HS3ST1: variants seen among roughly 807,000 people sequenced by gnomAD.
HS3ST1 encodes heparan sulfate-glucosamine 3-sulfotransferase 1, also known as heparan sulfate glucosamine 3-O-sulfotransferase 1.
In HS3ST1, 8 loss-of-function variants were observed where a neutral mutation model predicts 20.7. The observed-to-expected ratio is 0.39, with a 90% CI of 0.23 to 0.70. The LOEUF (loss-of-function observed/expected upper bound fraction) is 0.70. Among genes scored for constraint, HS3ST1 ranks in the 30% least tolerant of loss-of-function variants. HS3ST1 has a pLI of 0.46. For synonymous variants in HS3ST1, 205 were observed against 190.4 expected (o/e 1.08, Z -0.63); for missense variants, 436 against 423.4 (o/e 1.03, Z -0.26).
intron 1 of HS3ST1, among the ~76,000 whole-genome samples, chr4:11,426,965 A>G (rs1264599188): frequency 6.6e-6 from 1 of 152,242 alleles, no homozygotes; most frequent in Non-Finnish European, 1.5e-5. Context: ...TCAGTAGGTA[A>G]GGCTTATTCT....
intron 1 of HS3ST1, among the ~76,000 whole-genome samples, chr4:11,418,173 T>C (rs942399662): frequency 2.6e-5 from 4 of 151,816 alleles, no homozygotes; most frequent in African/African-American, 7.2e-5. Context: ...TTTGGGACAC[T>C]GTGGCACTTT....
rs150675188 is a variant in HS3ST1, at chr4:11,398,989, T to G, written c.*93A>C. 3.4e-4 allele frequency: 385 copies of G among 1,127,700 alleles called. No individual in the cohort carries two copies. The highest frequency in any genetic ancestry group is 3.1e-3 in the African/African-American group (198 of 64,112). The allele number at this position is 1,127,700 out of a possible 1,614,324, so 69.9% of individuals were successfully genotyped here. On this transcript the variant is annotated 3_prime_UTR_variant, in exon 2 of 2. Coordinates refer to ENST00000002596, the MANE Select transcript of HS3ST1 (RefSeq NM_005114.4). ...GTACTTTATGGATTTTACAAATAAA[T>G]TATACCTTAAATGCTTTTTTAAAAT...
chr4:11,411,098 G>C (rs1038128494), intron 1 of HS3ST1, among the ~76,000 whole-genome samples: 1 of 152,078 alleles, frequency 6.6e-6, no homozygotes, highest in African/African-American at 2.4e-5. Context: ...TTTTAGGTAT[G>C]TGTGCTCTTG....
rs1257489795 is a variant in HS3ST1 at position 11,402,801 on chromosome 4, C to CT, written c.-108-2689dup. 1.1e-4 allele frequency among the ~76,000 whole-genome samples: 16 copies of CT among 152,338 alleles called. No individual in the cohort carries two copies. The South Asian group carries it at 3.3e-3, about 32-fold the overall frequency. ...TCTGACTGTTTATGCTCCTTCAACT[C>CT]TAACCTGAGGCATCCTGGTTAGTGT... On this transcript the variant is annotated intron_variant, in intron 1 of 1. Coordinates refer to ENST00000002596, the MANE Select transcript of HS3ST1 (RefSeq NM_005114.4).
At position 11,399,163 on chromosome 4, in the gene HS3ST1, T is replaced by G. The variant is rs1718232388; in HGVS notation, c.843A>C (p.Leu281=). Residue 281 remains leucine (L), a synonymous_variant, in exon 2 of 2, where the codon CTA becomes CTC. Transcript: ENST00000002596. The surrounding 1 kb of genome is among the most constrained non-coding windows in gnomAD (Gnocchi z 5.1). Reference sequence around the variant, plus strand: ...GAAAATATTCGTGCAGTTTATTGAGTAGTTTGGGATCGACTTGGGGGTGCG... The same window carrying G: ...GAAAATATTCGTGCAGTTTATTGAGGAGTTTGGGATCGACTTGGGGGTGCG... ...GRAHPQVDPK[L]LNKLHEYFHE... 6.2e-7 allele frequency: 1 copy of G among 1,614,106 alleles called. No individual in the cohort carries two copies. Among genetic ancestry groups the G allele is most frequent in the South Asian group, 1.1e-5 (1 of 91,086 alleles).
upstream of HS3ST1, chr4:11,428,969 A>AG: frequency 6.5e-6 from 1 of 153,116 alleles, no homozygotes; most frequent in African/African-American, 2.4e-5. Flanking sequence ...GAGCAAAAGG[A>AG]GGGGACGGAG....
intron 1 of HS3ST1, among the ~76,000 whole-genome samples, chr4:11,410,242 G>A (rs959568112): frequency 2.2e-4 from 34 of 152,256 alleles, no homozygotes; most frequent in Middle Eastern, 3.4e-3. Context: ...GAAGATGCAC[G>A]TGGAAGGAAT....
chr4:11,408,442 A>G (rs897479602), intron 1 of HS3ST1, among the ~76,000 whole-genome samples: 2 of 152,228 alleles, frequency 1.3e-5, no homozygotes, highest in East Asian at 1.9e-4. Flanking sequence ...TCAACCAGAC[A>G]GAAGCTCAAA....
chr4:11,431,769 G>A (rs1719211387), upstream of HS3ST1, among the ~76,000 whole-genome samples: 1 of 152,186 alleles, frequency 6.6e-6, no homozygotes, highest in Non-Finnish European at 1.5e-5. Context: ...CAGCTAAAGT[G>A]TATCTAAGGC....
intron 1 of HS3ST1, among the ~76,000 whole-genome samples, chr4:11,405,876 T>C (rs548156467): frequency 2.0e-5 from 3 of 152,256 alleles, no homozygotes; most frequent in Non-Finnish European, 4.4e-5. Flanking sequence ...TAATTAACTG[T>C]AATATATTCT....
chr4:11,410,327 G>A (rs558544250), intron 1 of HS3ST1, among the ~76,000 whole-genome samples: 2 of 152,308 alleles, frequency 1.3e-5, no homozygotes, highest in Admixed American at 6.5e-5. Flanking sequence ...GATGGGAGCT[G>A]GCAGAGGGTC....
chr4:11,396,844 C>T lies in HS3ST1; in HGVS notation c.*2238G>A, dbSNP rs79730152. On this transcript the variant is annotated 3_prime_UTR_variant, in exon 2 of 2. Coordinates refer to ENST00000002596, the MANE Select transcript of HS3ST1 (RefSeq NM_005114.4). ...CACTGATCATTTTACACTGGACCAC[C>T]GCCTCCATCGACTATGCCAGTCCCA... 0.041 allele frequency: 6,203 copies of T among 152,350 alleles called. 174 individuals are homozygous for T. Among genetic ancestry groups the T allele is most frequent in the Non-Finnish European group, 0.062 (4,240 of 68,058 alleles). 9.4% of individuals were successfully genotyped at this position (152,350 alleles called of 1,614,324 possible).
At position 11,394,383 on chromosome 4, in the gene HS3ST1, A is replaced by G. The variant is rs1031971423; in HGVS notation, c.*4699T>C. ...CTAAAGCACCAAGGTCATTTTCTAC[A>G]TCAAAACACTTTAGTGAAGCAGCTA... On this transcript the variant is annotated 3_prime_UTR_variant, in exon 2 of 2. Transcript: ENST00000002596. 1 of 152,354 alleles carries G rather than the reference A, an allele frequency of 6.6e-6. No individual in the cohort carries two copies. The highest frequency in any genetic ancestry group is 1.9e-4 in the East Asian group (1 of 5,192). The allele number at this position is 152,354 out of a possible 1,614,324, so 9.4% of individuals were successfully genotyped here.
Position 11,398,935 on chromosome 4 carries a change from G to A in HS3ST1, c.*147C>T. Reference sequence around the variant, plus strand: ...GTAGAAAAATATAACTAGTATATATGGCAATTGTGAATCTAATACTGTACA... The same window carrying A: ...GTAGAAAAATATAACTAGTATATATAGCAATTGTGAATCTAATACTGTACA... On this transcript the variant is annotated 3_prime_UTR_variant, in exon 2 of 2. Transcript: ENST00000002596. The A allele has an allele frequency of 7.5e-6, 5 of 662,734 alleles. No individual in the cohort carries two copies. The highest frequency in any genetic ancestry group is 4.4e-5 in the South Asian group (2 of 45,302). 41.1% of individuals were successfully genotyped at this position (662,734 alleles called of 1,614,324 possible). A position where few individuals can be genotyped will look rare whatever the true frequency, so the allele number is the denominator to read the frequency against.
chr4:11,413,666 A>G (rs1028628934), intron 1 of HS3ST1, among the ~76,000 whole-genome samples: 77 of 152,072 alleles, frequency 5.1e-4, no homozygotes, highest in Non-Finnish European at 2.5e-4. Flanking sequence ...AGAGGGAACA[A>G]TAGGAGAGAA....
At chr4:11,416,606 T>G (rs898440412) in intron 1 of HS3ST1, among the ~76,000 whole-genome samples, 1 of 152,134 alleles carries the variant, frequency 6.6e-6, no homozygotes, top group African/African-American at 2.4e-5. Flanking sequence ...CACTGCTCAT[T>G]CGAGTCTCTC....
intron 1 of HS3ST1, among the ~76,000 whole-genome samples, chr4:11,428,161 A>C (rs1719111504): frequency 6.9e-6 from 1 of 145,668 alleles, no homozygotes; most frequent in Admixed American, 6.8e-5. Context: ...CAGGGCTGTC[A>C]CCTCAATCTC....
At chr4:11,418,451 A>G (rs1718842946) in intron 1 of HS3ST1, among the ~76,000 whole-genome samples, 1 of 152,222 alleles carries the variant, frequency 6.6e-6, no homozygotes. Flanking sequence ...TAAGGCGACA[A>G]AGGTTCGATG....
At chr4:11,417,955 TC>T (rs1370626379) in intron 1 of HS3ST1, among the ~76,000 whole-genome samples, 1 of 152,254 alleles carries the variant, frequency 6.6e-6, no homozygotes, top group Admixed American at 6.5e-5. Flanking sequence ...TTTCACTGCT[TC>T]AAATGTCTTT....
Sources: gnomAD v4.1 joint callset for allele counts (sites outside exome capture counted in the v4.1 genomes callset) on GRCh38, gnomAD v4.1.1 for gene constraint, Gnocchi (gnomAD v3.1) non-coding constraint, MANE v1.5 for transcripts, NCBI Gene and HGNC (gene_info 2026-07-23, HGNC 2026-07-21) for gene names.